The following ABCA2 variants were observed in gnomAD, a reference collection of about 807,000 sequenced individuals.
The protein encoded by ABCA2 is ATP binding cassette subfamily A member 2.
A neutral mutation model predicts 262.8 loss-of-function variants in ABCA2; 84 were observed. The observed-to-expected ratio is 0.32, with a 90% confidence interval of 0.27 to 0.38. The LOEUF is 0.38. Among genes scored for constraint, ABCA2 ranks in the 10% least tolerant of loss-of-function variants. ABCA2 has a pLI of 1.00. For synonymous variants in ABCA2, 1,696 were observed against 1,502.9 expected, an observed-to-expected ratio of 1.13 and a Z score of -2.97; for missense variants, 2,662 against 3,405.9, an observed-to-expected ratio of 0.78 and a Z score of 5.44.
In ABCA2 at chr9:137,022,368, G is replaced by A. The variant is rs367828133; in HGVS notation, c.550C>T (p.Arg184Cys). ...TGCCTTACCTCGGGCGGGTCCACAC[G>A]GGCGGCCAAGAGTGCTTGGGCCGTG... The part of the protein sequence containing the change: ...NSTAQALLAA[R>C]VDPPEVYHLL... Residue 184 changes from arginine to cysteine, a missense_variant, in exon 6 of 49, where the codon CGT becomes TGT. Transcript: ENST00000341511. The A allele has an allele frequency of 2.1e-5, 33 of 1,609,074 alleles. No individual in the cohort carries two copies. The highest frequency in any genetic ancestry group is 5.5e-5 in the South Asian group (5 of 90,358).
Position 137,012,391 on chromosome 9 carries a change from G to A in ABCA2, c.5188-15C>T, listed in dbSNP as rs868822873. 13 of 1,610,864 alleles carry A rather than the reference G, an allele frequency of 8.1e-6. No individual in the cohort carries two copies. The Middle Eastern group carries it at 9.9e-4, about 123-fold the overall frequency. ...TTGTAGAAAACCTGCAGAAGGAAGA[G>A]GACACAGAAAGGCCCCAGGACCTCA... On this transcript the variant is annotated splice_polypyrimidine_tract_variant and intron_variant, in intron 32 of 48. Coordinates refer to ENST00000341511, the MANE Select transcript of ABCA2 (RefSeq NM_001606.5).
Position 137,012,546 on chromosome 9 carries a change from G to T in ABCA2, c.5126C>A (p.Ala1709Asp). The T allele has an allele frequency of 6.2e-7, 1 of 1,612,076 alleles. No homozygotes were observed. Residue 1709 changes from alanine (A) to aspartate (D), a missense_variant, in exon 32 of 49, where the codon GCC becomes GAC. This residue lies in a region of ABCA2 where 602 missense variants were observed against 897.4 expected (regional missense o/e 0.67). Transcript: ENST00000341511. ...GGGTGGGGCCCTGGTGCCAAATGAG[G>T]CTGGGATGGACTTCAGGACGTTTCC... The part of the protein sequence containing the change: ...TFGNVLKSIP[A>D]SFGTRAPPMV...
Position 137,010,819 on chromosome 9 carries a change from G to A in ABCA2, c.6057-82C>T, listed in dbSNP as rs567218425. ...GCCACCAGCCTCGCATCCTCTGGCT[G>A]TGGCATGTAAGAAGGGTGGGCAGGC... is the stretch of plus-strand genomic sequence containing the variant. On this transcript the variant is annotated intron_variant, in intron 39 of 48. Transcript: ENST00000341511. The A allele has an allele frequency of 1.9e-4, 287 of 1,499,276 alleles. 1 individual carries two copies. The African/African-American group carries it at 3.4e-3, about 18-fold the overall frequency. 92.9% of individuals were successfully genotyped at this position (1,499,276 alleles called of 1,614,324 possible).
rs1230734594 is a variant in ABCA2, at chr9:137,010,231, C to G, written c.6315G>C (p.Glu2105Asp). The G allele has an allele frequency of 6.2e-7, 1 of 1,605,052 alleles. No homozygotes were observed. The highest frequency in any genetic ancestry group is 2.2e-5 in the East Asian group (1 of 44,508). ...CGAAGGCCTCGCCCCCCGTCGTGCT[C>G]TCGTCGCCGGTCAGCATCTTGAAGG... ...TSTFKMLTGD[E>D]STTGGEAFVN... The change falls in exon 41 of 49, where the codon GAG (glutamate) becomes GAC (aspartate). Residue 2105 changes from glutamate to aspartate, a missense_variant. By Grantham distance (45) the Glu-to-Asp change is conservative. Transcript: ENST00000341511.
In ABCA2 at chr9:137,012,785, T is replaced by C. The variant is rs370709253; in HGVS notation, c.5008A>G (p.Ile1670Val). 6.3e-4 allele frequency: 1,022 copies of C among 1,612,640 alleles called. 2 individuals carry two copies. The highest frequency in any genetic ancestry group is 8.1e-4 in the Non-Finnish European group (950 of 1,179,892). ...PPQMRVVTGD[I>V]LTDITGHNVS... ...TTGTGGCCGGTGATGTCGGTCAGGA[T>C]GTCGCCTGTGACCACCCGCATCTGG... The change falls in exon 31 of 49, where the codon ATC (isoleucine) becomes GTC (valine). Residue 1670 changes from isoleucine (I) to valine (V), a missense_variant. Physicochemically the swap from Ile to Val is conservative, Grantham distance 29 (BLOSUM62 3). This residue lies in a region of ABCA2 where 602 missense variants were observed against 897.4 expected (regional missense o/e 0.67). Transcript: ENST00000341511.
rs1009447483 is a variant in ABCA2, at chr9:137,007,672, C to G, written c.*257G>C. On this transcript the variant is annotated 3_prime_UTR_variant, in exon 49 of 49. Coordinates refer to ENST00000341511, the MANE Select transcript of ABCA2 (RefSeq NM_001606.5). ...GCAGGGGCGAGGGGCCGGGCAGACC[C>G]CGAGGCTTTAAGGCAAAGCAGGGCA... The G allele has an allele frequency of 2.6e-4, 152 of 574,158 alleles. No individual in the cohort carries two copies. The highest frequency in any genetic ancestry group is 4.2e-4 in the Non-Finnish European group (134 of 322,632). The allele number at this position is 574,158 out of a possible 1,614,324, so 35.6% of individuals were successfully genotyped here.
Position 137,011,202 on chromosome 9 carries a change from C to T in ABCA2, c.5907G>A (p.Glu1969=). Residue 1969 remains glutamate, a synonymous_variant, in exon 38 of 49, where the codon GAG becomes GAA. Coordinates refer to ENST00000341511, the MANE Select transcript of ABCA2 (RefSeq NM_001606.5). This position sits in a 1 kb window ranked among gnomAD's most constrained non-coding sequence, Gnocchi z 8.8. ...CCCCCTCACCAATCTTGGCGTAGTA[C>T]TCGTTGATGTACTCGTTGTAGGCCA... is the stretch of plus-strand genomic sequence containing the variant. The part of the protein sequence containing the change: ...MEMAYNEYIN[E]YYAKIGQFDK... The T allele has an allele frequency of 6.2e-7, 1 of 1,612,542 alleles. No homozygotes were observed. The highest frequency in any genetic ancestry group is 8.5e-7 in the Non-Finnish European group (1 of 1,179,866).
At chr9:137,013,349 G>A in intron 29 of ABCA2, 31 bp from the exon 30 acceptor site, 1 of 1,527,660 alleles carries the variant, frequency 6.5e-7, no homozygotes, top group Non-Finnish European at 8.8e-7. Context: ...AGGTGGGGCT[G>A]CCAGTCTCCG....
Position 137,011,702 on chromosome 9 carries a change from C to T in ABCA2, c.5583G>A (p.Val1861=), listed in dbSNP as rs1441210418. 5.8e-6 allele frequency: 9 copies of T among 1,553,804 alleles called. No individual in the cohort carries two copies. Among genetic ancestry groups the T allele is most frequent in the African/African-American group, 2.7e-5 (2 of 73,072 alleles). ...GCGACGTGTAGGCCGGCAGGTCGAA[C>T]ACAAACAGGATGATGACACAGCAGG... ...PATCCVIILF[V]FDLPAYTSPT... The change falls in exon 36 of 49, where the codon GTG becomes GTA. Residue 1861 remains valine (V), a synonymous_variant. Coordinates refer to ENST00000341511, the MANE Select transcript of ABCA2 (RefSeq NM_001606.5). This position sits in a 1 kb window ranked among gnomAD's most constrained non-coding sequence, Gnocchi z 8.8.
rs1830886767 is a variant in ABCA2, at chr9:137,007,845, GGGACTTC to G, written c.*77_*83del. On this transcript the variant is annotated 3_prime_UTR_variant, in exon 49 of 49. Transcript: ENST00000341511. ...CACTCCAGGCCCTGGCAGGCACTGG[GGGACTTC>G]TGTCCCCATTGTTGAGTCCCTGGCC... The G allele has an allele frequency of 1.9e-6, 3 of 1,568,324 alleles. No homozygotes were observed. The highest frequency in any genetic ancestry group is 1.4e-5 in the African/African-American group (1 of 74,034).
At position 137,013,270 on chromosome 9, in the gene ABCA2, G is replaced by A; in HGVS notation, c.4599C>T (p.Phe1533=). The part of the protein sequence containing the change: ...DASPQQLVST[F]RLPSGVGATC... ...TGGCACCCACCCCCGACGGCAGCCGGAACGTGCTCACGAGCTGCTGGGGGC... is the reference window on the plus strand; with the variant it reads ...TGGCACCCACCCCCGACGGCAGCCGAAACGTGCTCACGAGCTGCTGGGGGC... The change falls in exon 30 of 49, where the codon TTC becomes TTT. Residue 1533 remains phenylalanine, a synonymous_variant. Transcript: ENST00000341511. The A allele has an allele frequency of 6.3e-7, 1 of 1,589,198 alleles. No individual in the cohort carries two copies. Among genetic ancestry groups the A allele is most frequent in the African/African-American group, 1.3e-5 (1 of 74,662 alleles).
At position 137,008,769 on chromosome 9, in the gene ABCA2, T is replaced by C; in HGVS notation, c.7030A>G (p.Ile2344Val). 6.3e-7 allele frequency: 1 copy of C among 1,595,070 alleles called. No individual in the cohort carries two copies. Among genetic ancestry groups the C allele is most frequent in the Non-Finnish European group, 8.5e-7 (1 of 1,172,622 alleles). ...KMEQVSGVLG[I>V]EDYSVSQTTL... is the part of the protein sequence containing the mutation. ...GTCTGGCTGACCGAGTAGTCCTCGA[T>C]GCCCAGCACGCCAGACACCTGCTCC... The change falls in exon 47 of 49, where the codon ATC becomes GTC. Residue 2344 changes from isoleucine to valine, a missense_variant. This residue lies in a region of ABCA2 where 212 missense variants were observed against 214.4 expected (regional missense o/e 0.99). Transcript: ENST00000341511.
In ABCA2 at chr9:137,022,015, G is replaced by C. The variant is rs1205629652; in HGVS notation, c.568-14C>G. ...CAGGTGGTAGACCTAGGAGGTGTGGGGGAATGGCTCAGATGGGGTGTGGGG... is the reference window on the plus strand; with the variant it reads ...CAGGTGGTAGACCTAGGAGGTGTGGCGGAATGGCTCAGATGGGGTGTGGGG... On this transcript the variant is annotated splice_polypyrimidine_tract_variant and intron_variant, in intron 6 of 48. Coordinates refer to ENST00000341511, the MANE Select transcript of ABCA2 (RefSeq NM_001606.5). The C allele has an allele frequency of 1.6e-5, 25 of 1,566,412 alleles. No homozygotes were observed. Among genetic ancestry groups the C allele is most frequent in the Non-Finnish European group, 2.1e-5 (24 of 1,155,866 alleles).
chr9:137,008,334 G>C lies in ABCA2; in HGVS notation c.7275+82C>G, dbSNP rs4880186. 0.96 allele frequency: 1,427,686 copies of C among 1,490,822 alleles called. 684,360 individuals carry two copies. Among genetic ancestry groups the C allele is most frequent in the East Asian group, 1 (40,606 of 40,634 alleles). The allele number at this position is 1,490,822 out of a possible 1,614,324, so 92.3% of individuals were successfully genotyped here. A position where few individuals can be genotyped will look rare whatever the true frequency, so the allele number is the denominator to read the frequency against. On this transcript the variant is annotated intron_variant, in intron 48 of 48. Coordinates refer to ENST00000341511, the MANE Select transcript of ABCA2 (RefSeq NM_001606.5). ...AGCATCCTGGGGCCAGTTCTCCCCC[G>C]ACCCCACCCGCGGCTGGAGCCACCA...
chr9:137,017,839 A>C lies in ABCA2; in HGVS notation c.2159T>G (p.Val720Gly). 6.2e-7 allele frequency: 1 copy of C among 1,612,598 alleles called. No homozygotes were observed. Among genetic ancestry groups the C allele is most frequent in the Non-Finnish European group, 8.5e-7 (1 of 1,179,844 alleles). Residue 720 changes from valine (V) to glycine (G), a missense_variant, in exon 16 of 49, where the codon GTG (valine) becomes GGG (glycine). Transcript: ENST00000341511. ...CACGATGTGCTGGATGGTCATGGCCACGGAGTAGACCCAGGAGATCACCAT... is the reference window on the plus strand; with the variant it reads ...CACGATGTGCTGGATGGTCATGGCCCCGGAGTAGACCCAGGAGATCACCAT... ...LCMVISWVYS[V>G]AMTIQHIVAE...
Position 137,012,032 on chromosome 9 carries a change from G to GC in ABCA2, c.5361-15dup, listed in dbSNP as rs1425891195. ...GTGCCCTGCAGCCTGGGGCAAGGAA[G>GC]CCCTCAGTCCTCACGGCCGGGGCTG... On this transcript the variant is annotated splice_polypyrimidine_tract_variant and intron_variant, in intron 34 of 48. Coordinates refer to ENST00000341511, the MANE Select transcript of ABCA2 (RefSeq NM_001606.5). The GC allele has an allele frequency of 3.7e-6, 6 of 1,612,012 alleles. No individual in the cohort carries two copies. The highest frequency in any genetic ancestry group is 5.1e-6 in the Non-Finnish European group (6 of 1,179,636).
chr9:137,011,347 G>T lies in ABCA2; in HGVS notation c.5800-38C>A. 1.2e-6 allele frequency: 2 copies of T among 1,603,508 alleles called. No individual in the cohort carries two copies. The highest frequency in any genetic ancestry group is 1.7e-4 in the Middle Eastern group (1 of 6,020). On this transcript the variant is annotated intron_variant, in intron 37 of 48. Transcript: ENST00000341511. The surrounding 1 kb of genome is among the most constrained non-coding windows in gnomAD (Gnocchi z 8.8). ...CGGGGTCAGGGGCACAGGGGTGGCC[G>T]GGGTGAGGGGCACAGCCTCCGCAGG...
rs1323487869 is a variant in ABCA2, at chr9:137,007,386, C to G, written c.*543G>C. On this transcript the variant is annotated 3_prime_UTR_variant, in exon 49 of 49. Coordinates refer to ENST00000341511, the MANE Select transcript of ABCA2 (RefSeq NM_001606.5). ...TGGCCCCTTGCCTGGCCAGCAGGGTCAGCTTCTCCATTCCTGCCACCTGCC... is the reference window on the plus strand; with the variant it reads ...TGGCCCCTTGCCTGGCCAGCAGGGTGAGCTTCTCCATTCCTGCCACCTGCC... 1 of 161,152 alleles carries G rather than the reference C, an allele frequency of 6.2e-6. No individual in the cohort carries two copies. Among genetic ancestry groups the G allele is most frequent in the Non-Finnish European group, 1.4e-5 (1 of 72,740 alleles). 10.0% of individuals were successfully genotyped at this position (161,152 alleles called of 1,614,324 possible).
chr9:137,017,452 T>A, intron 17 of ABCA2, 50 bp downstream of exon 17: 2 of 1,596,224 alleles, frequency 1.3e-6, no homozygotes, highest in Non-Finnish European at 8.6e-7. Context: ...GGGGTGAGCT[T>A]GCTGGGCAAG....
Sources: allele counts gnomAD v4.1 joint callset, GRCh38; gene constraint gnomAD v4.1.1; regional missense constraint gnomAD v4.1.1; non-coding constraint Gnocchi (gnomAD v3.1); transcripts MANE v1.5; gene names NCBI Gene and HGNC (gene_info 2026-07-23, HGNC 2026-07-21).